Variants in CADM2 observed in about 807,000 individuals in gnomAD.
The protein encoded by CADM2 is immunoglobulin superfamily member 4D.
Under a neutral mutation model 49.8 loss-of-function variants are expected in CADM2, and 12 were observed. The ratio of observed to expected loss-of-function variants is 0.24; its 90% confidence interval spans 0.15 to 0.39. The LOEUF (loss-of-function observed/expected upper bound fraction) is 0.39. CADM2 is among the 10% of genes least tolerant of loss of function. The pLI, the probability that CADM2 is intolerant of heterozygous loss-of-function variation, is 1.00. For synonymous variants in CADM2, 214 were observed against 175.4 expected (o/e 1.22, Z -1.74); for missense variants, 378 against 492.3 (o/e 0.77, Z 2.20).
chr3:85,535,349 ACT>A (rs1223175573), intron 1 of CADM2, among the ~76,000 whole-genome samples: 6 of 152,130 alleles, frequency 3.9e-5, no homozygotes, highest in South Asian at 2.1e-4. Context: ...GAGGTTTGGA[ACT>A]CTCTGTTTCC....
intron 5 of CADM2, among the ~76,000 whole-genome samples, chr3:85,890,301 G>A (rs1372806204): frequency 6.6e-6 from 1 of 152,112 alleles, no homozygotes; most frequent in Admixed American, 6.6e-5. Context: ...GAAAGAGAGA[G>A]TAGGGGAAAG....
intron 1 of CADM2, among the ~76,000 whole-genome samples, chr3:85,635,724 T>C (rs9817232): frequency 0.71 from 107,400 of 151,978 alleles, 38,020 homozygotes; most frequent in East Asian, 0.8. Flanking sequence ...ATACACTAAT[T>C]TATGTATTTG....
chr3:85,668,295 C>CAAAAAAAAAAAAAAAAAAAAAAAACAAA (rs11447925), intron 1 of CADM2, among the ~76,000 whole-genome samples: 1 of 81,774 alleles, frequency 1.2e-5, no homozygotes, highest in Non-Finnish European at 2.5e-5. Context: ...AGTACCAAAG[C>CAAAAAAAAAAAAAAAAAAAAAAAACAAA]AAAAAAAAAA....
chr3:85,365,447 A>T (rs1248662098), intron 1 of CADM2, among the ~76,000 whole-genome samples: 1 of 152,170 alleles, frequency 6.6e-6, no homozygotes, highest in Admixed American at 6.5e-5. Flanking sequence ...TTGACTAAAA[A>T]TATTGGCCCA....
intron 1 of CADM2, among the ~76,000 whole-genome samples, chr3:85,582,422 G>A (rs1484918036): frequency 6.6e-6 from 1 of 152,160 alleles, no homozygotes; most frequent in Admixed American, 6.6e-5. Flanking sequence ...TTTAGAGATG[G>A]TTTATTGCAG....
intron 1 of CADM2, among the ~76,000 whole-genome samples, chr3:85,048,108 A>G (rs1473926368): frequency 1.3e-5 from 2 of 152,164 alleles, no homozygotes; most frequent in Admixed American, 1.3e-4. Flanking sequence ...TATTGCACTA[A>G]TAGTTCAGAT....
At chr3:85,488,613 C>T (rs2039530400) in intron 1 of CADM2, among the ~76,000 whole-genome samples, 1 of 152,172 alleles carries the variant, frequency 6.6e-6, no homozygotes, top group African/African-American at 2.4e-5. Context: ...CTCACTGCAA[C>T]CTCCGACTCC....
chr3:85,926,940 A>T (rs1719955345), intron 6 of CADM2, among the ~76,000 whole-genome samples: 1 of 152,188 alleles, frequency 6.6e-6, no homozygotes. Flanking sequence ...AGAGACTAGA[A>T]AACACAAACT....
rs954379420 is a variant in CADM2, at chr3:85,331,682, T to C, written c.61+372014T>C. 2.6e-5 allele frequency among the ~76,000 whole-genome samples: 4 copies of C among 152,184 alleles called. 1 individual carries two copies. The highest frequency in any genetic ancestry group is 2.6e-4 in the Admixed American group (4 of 15,272). ...TGACATGGTAGACCTATTATATTAT[T>C]TGAGGAACCTCCATACTGTTCTCCA... On this transcript the variant is annotated intron_variant, in intron 1 of 9. Coordinates refer to ENST00000383699, the MANE Select transcript of CADM2 (RefSeq NM_001167675.2).
intron 1 of CADM2, among the ~76,000 whole-genome samples, chr3:85,139,210 GACTA>G (rs1355660355): frequency 1.3e-5 from 2 of 152,054 alleles, no homozygotes; most frequent in African/African-American, 4.8e-5. Context: ...TGCATGAAGT[GACTA>G]ACTGTGTATA....
At chr3:86,017,962 G>A (rs1358870887) in intron 8 of CADM2, among the ~76,000 whole-genome samples, 1 of 136,788 alleles carries the variant, frequency 7.3e-6, no homozygotes, top group Admixed American at 7.4e-5. Context: ...GTGCCATGCT[G>A]GTGCGCTGCA....
At chr3:85,158,398 T>G (rs1257544406) in intron 1 of CADM2, among the ~76,000 whole-genome samples, 1 of 152,194 alleles carries the variant, frequency 6.6e-6, no homozygotes, top group Non-Finnish European at 1.5e-5. Flanking sequence ...ACACGTATGT[T>G]TACTGCGGCA....
chr3:85,182,732 T>C (rs1272854883), intron 1 of CADM2, among the ~76,000 whole-genome samples: 1 of 152,104 alleles, frequency 6.6e-6, no homozygotes, highest in Non-Finnish European at 1.5e-5. Context: ...CAAAATTATT[T>C]CAAAATAAAA....
At chr3:86,012,706 T>C in intron 8 of CADM2, 6 of 1,104,932 alleles carry the variant, frequency 5.4e-6, no homozygotes, top group Non-Finnish European at 8.2e-6. Context: ...AAACACCTGA[T>C]CGGCTGGGCG....
chr3:85,889,253 A>T (rs1714099061), intron 5 of CADM2, among the ~76,000 whole-genome samples: 1 of 152,202 alleles, frequency 6.6e-6, no homozygotes, highest in Non-Finnish European at 1.5e-5. Context: ...TCTGGGTAAA[A>T]GTCACTTGAA....
chr3:85,355,995 A>G (rs987808717), intron 1 of CADM2, among the ~76,000 whole-genome samples: 2 of 152,128 alleles, frequency 1.3e-5, no homozygotes, highest in African/African-American at 2.4e-5. Context: ...GATCCACCAA[A>G]TAAGCCATTT....
chr3:85,061,418 G>A (rs2036311681), intron 1 of CADM2, among the ~76,000 whole-genome samples: 1 of 152,020 alleles, frequency 6.6e-6, no homozygotes, highest in African/African-American at 2.4e-5. Flanking sequence ...TCCTTTCAAT[G>A]TTTGCTTATT....
At chr3:85,796,167 T>C (rs1465198893) in intron 2 of CADM2, among the ~76,000 whole-genome samples, 1 of 152,208 alleles carries the variant, frequency 6.6e-6, no homozygotes, top group Non-Finnish European at 1.5e-5. Flanking sequence ...TTATTAGCAA[T>C]TGCGTGCTTT....
chr3:85,649,078 A>G (rs1012008793), intron 1 of CADM2, among the ~76,000 whole-genome samples: 1 of 152,106 alleles, frequency 6.6e-6, no homozygotes, highest in Non-Finnish European at 1.5e-5. Flanking sequence ...TTTCTATGGA[A>G]ATTGAGACCA....
Sources: gnomAD v4.1 joint callset for allele counts (sites outside exome capture counted in the v4.1 genomes callset) on GRCh38, gnomAD v4.1.1 for gene constraint, MANE v1.5 for transcripts, NCBI Gene and HGNC (gene_info 2026-07-23, HGNC 2026-07-21) for gene names.